CUX2: variants seen among roughly 807,000 people sequenced by gnomAD.
The protein encoded by CUX2 is cut like homeobox 2.
Under a neutral mutation model 144.8 loss-of-function variants are expected in CUX2, and 40 were observed. The observed-to-expected ratio is 0.28, with a 90% CI of 0.21 to 0.36. The LOEUF is 0.36. Among genes scored for constraint, CUX2 ranks in the 10% least tolerant of loss-of-function variants. CUX2 has a pLI of 1.00. For synonymous variants in CUX2, 827 were observed against 875.6 expected (o/e 0.94, Z 0.98); for missense variants, 1,615 against 1,994.0 (o/e 0.81, Z 3.62).
chr12:111,078,688 G>A (rs1009304699), intron 1 of CUX2, among the ~76,000 whole-genome samples: 3 of 152,048 alleles, frequency 2.0e-5, no homozygotes, highest in East Asian at 3.9e-4. Flanking sequence ...AAAAGTCAGC[G>A]AAGGAGTTTG....
intron 1 of CUX2, among the ~76,000 whole-genome samples, chr12:111,064,555 C>T (rs1424698977): frequency 2.0e-5 from 3 of 152,174 alleles, no homozygotes; most frequent in Admixed American, 2.0e-4. Flanking sequence ...AGCTATGGAT[C>T]TTCTTTTTAG....
chr12:111,123,091 T>A (rs1874792683), intron 1 of CUX2, among the ~76,000 whole-genome samples: 1 of 152,214 alleles, frequency 6.6e-6, no homozygotes, highest in African/African-American at 2.4e-5. Context: ...GCCTTCCGTG[T>A]CTCTGGCTGA....
In CUX2 at chr12:111,308,321, C is replaced by T. The variant is rs551552593; in HGVS notation, c.1146C>T (p.Cys382=). The part of the protein sequence containing the change: ...LKAMKLASST[C]SLPQGMAKPE... ...CCATGAAGCTGGCCTCCAGCACCTG[C>T]AGCCTCCCCCAGGTAAGTGTCCCTG... is the stretch of plus-strand genomic sequence containing the variant. The change falls in exon 13 of 22, where the codon TGC becomes TGT. Residue 382 remains cysteine, a synonymous_variant. Transcript: ENST00000261726. The T allele has an allele frequency of 3.1e-6, 5 of 1,614,066 alleles. No individual in the cohort carries two copies. The highest frequency in any genetic ancestry group is 4.2e-6 in the Non-Finnish European group (5 of 1,180,042).
chr12:111,069,762 A>C (rs1022669081), intron 1 of CUX2, among the ~76,000 whole-genome samples: 1 of 152,124 alleles, frequency 6.6e-6, no homozygotes, highest in African/African-American at 2.4e-5. Context: ...GCCCACTGTC[A>C]TGATCTCATT....
intron 1 of CUX2, among the ~76,000 whole-genome samples, chr12:111,149,057 A>G (rs1876877035): frequency 6.6e-6 from 1 of 152,154 alleles, no homozygotes; most frequent in Admixed American, 6.5e-5. Context: ...ACTTAATAGT[A>G]TTGCGGTTCA....
chr12:111,034,563 G>T lies in CUX2; in HGVS notation c.63+323G>T, dbSNP rs1480640377. Among the ~76,000 whole-genome samples the T allele has an allele frequency of 6.6e-6, 1 of 151,362 alleles. No homozygotes were observed. On this transcript the variant is annotated intron_variant, in intron 1 of 21. Coordinates refer to ENST00000261726, the MANE Select transcript of CUX2 (RefSeq NM_015267.4). The surrounding 1 kb of genome is among the most constrained non-coding windows in gnomAD (Gnocchi z 4.2). ...CAGGGGCTACGGCCTCGGGCAGGGGGCTGCTGGCGGGAACCCCCGGCGGTC... is the reference window on the plus strand; with the variant it reads ...CAGGGGCTACGGCCTCGGGCAGGGGTCTGCTGGCGGGAACCCCCGGCGGTC...
chr12:111,235,341 G>A lies in CUX2; in HGVS notation c.222+17404G>A, dbSNP rs140619155. Reference sequence around the variant, plus strand: ...TTTGGATATATAAGGAAGGATGACCGGAAACCAAGTTCCAGAAAGATCTCT... The same window carrying A: ...TTTGGATATATAAGGAAGGATGACCAGAAACCAAGTTCCAGAAAGATCTCT... On this transcript the variant is annotated intron_variant, in intron 3 of 21. Transcript: ENST00000261726. Among the ~76,000 whole-genome samples, 264 of 152,158 alleles carry A rather than the reference G, an allele frequency of 1.7e-3. 1 individual carries two copies. The highest frequency in any genetic ancestry group is 3.2e-3 in the Non-Finnish European group (215 of 68,008).
intron 1 of CUX2, among the ~76,000 whole-genome samples, chr12:111,053,081 C>T (rs1360233055): frequency 6.6e-6 from 1 of 152,056 alleles, no homozygotes; most frequent in African/African-American, 2.4e-5. Context: ...TACATGAGGC[C>T]GCCAGAGGAC....
Position 111,295,255 on chromosome 12 carries a change from C to G in CUX2, c.561-78C>G. On this transcript the variant is annotated intron_variant, in intron 6 of 21. Coordinates refer to ENST00000261726, the MANE Select transcript of CUX2 (RefSeq NM_015267.4). This position sits in a 1 kb window ranked among gnomAD's most constrained non-coding sequence, Gnocchi z 5.0. Reference sequence around the variant, plus strand: ...CAGGGAGTGGGCAAGGGGTAGGAAGCAAGATGGGGCTCGACTCGGGGGCCC... The same window carrying G: ...CAGGGAGTGGGCAAGGGGTAGGAAGGAAGATGGGGCTCGACTCGGGGGCCC... The G allele has an allele frequency of 1.5e-6, 2 of 1,348,610 alleles. No homozygotes were observed. Among genetic ancestry groups the G allele is most frequent in the Non-Finnish European group, 2.1e-6 (2 of 967,130 alleles). 83.5% of individuals were successfully genotyped at this position (1,348,610 alleles called of 1,614,324 possible).
intron 1 of CUX2, among the ~76,000 whole-genome samples, chr12:111,110,484 C>T (rs531275610): frequency 8.1e-4 from 123 of 152,346 alleles, no homozygotes; most frequent in African/African-American, 2.8e-3. Context: ...AGTGTTACCT[C>T]TGCCTTTATC....
chr12:111,207,439 A>G (rs111414975), intron 1 of CUX2, among the ~76,000 whole-genome samples: 2 of 152,200 alleles, frequency 1.3e-5, no homozygotes, highest in Non-Finnish European at 2.9e-5. Context: ...CCATGAATGC[A>G]TTGATGGACG....
chr12:111,179,728 G>A (rs932576419), intron 1 of CUX2, among the ~76,000 whole-genome samples: 5 of 151,752 alleles, frequency 3.3e-5, no homozygotes, highest in Non-Finnish European at 5.9e-5. Flanking sequence ...CCAGGCTGGA[G>A]TGCAGTGGTG....
chr12:111,327,211 G>A (rs964001135), intron 18 of CUX2, among the ~76,000 whole-genome samples: 2 of 152,094 alleles, frequency 1.3e-5, no homozygotes, highest in African/African-American at 4.8e-5. Context: ...TTCAGTTAAC[G>A]TGTTTTCAAG....
At chr12:111,227,004 A>T (rs543854526) in intron 3 of CUX2, among the ~76,000 whole-genome samples, 1 of 152,308 alleles carries the variant, frequency 6.6e-6, no homozygotes, top group South Asian at 2.1e-4. Flanking sequence ...CTCAGTGCTC[A>T]CGTCTGCCTC....
chr12:111,121,620 C>A (rs1419829350), intron 1 of CUX2, among the ~76,000 whole-genome samples: 1 of 151,798 alleles, frequency 6.6e-6, no homozygotes, highest in Non-Finnish European at 1.5e-5. Context: ...TCTCTGCCTC[C>A]CAAAGTGCTG....
intron 9 of CUX2, among the ~76,000 whole-genome samples, chr12:111,301,038 C>CAAAAAAAAAAAAAAAAAAAAA (rs3061127): frequency 9.4e-6 from 1 of 106,544 alleles, no homozygotes. Context: ...GACCCTATCT[C>CAAAAAAAAAAAAAAAAAAAAA]AAAAAAAAAA....
chr12:111,069,672 T>C (rs750236114), intron 1 of CUX2, among the ~76,000 whole-genome samples: 2 of 152,144 alleles, frequency 1.3e-5, no homozygotes, highest in African/African-American at 2.4e-5. Context: ...GTCTTCTCCC[T>C]GTGTCTTCAC....
intron 1 of CUX2, among the ~76,000 whole-genome samples, chr12:111,112,554 G>A (rs971198170): frequency 2.0e-5 from 3 of 152,042 alleles, no homozygotes; most frequent in African/African-American, 4.8e-5. Flanking sequence ...TCATGGAGGT[G>A]TGACACAGGG....
intron 18 of CUX2, among the ~76,000 whole-genome samples, chr12:111,324,082 G>A (rs986247971): frequency 6.6e-6 from 1 of 151,978 alleles, no homozygotes; most frequent in Non-Finnish European, 1.5e-5. Context: ...CGGGTGTGAT[G>A]GCTCACACCT....
Sources: gnomAD v4.1 joint callset for allele counts (sites outside exome capture counted in the v4.1 genomes callset) on GRCh38, gnomAD v4.1.1 for gene constraint, Gnocchi (gnomAD v3.1) non-coding constraint, MANE v1.5 for transcripts, NCBI Gene and HGNC (gene_info 2026-07-23, HGNC 2026-07-21) for gene names.